The following PCDH9 variants were observed in gnomAD, a reference collection of about 807,000 sequenced individuals.
The protein encoded by PCDH9 is protocadherin-9.
Under a neutral mutation model 70.6 loss-of-function variants are expected in PCDH9, and 24 were observed. The ratio of observed to expected loss-of-function variants is 0.34; its 90% CI spans 0.25 to 0.48. PCDH9 has a LOEUF of 0.48. PCDH9 is among the 20% of genes least tolerant of loss of function. The pLI, the probability that PCDH9 is intolerant of heterozygous loss-of-function variation, is 0.99. For synonymous variants in PCDH9, 562 were observed against 558.5 expected (o/e 1.01, Z -0.09); for missense variants, 1,281 against 1,503.6 (o/e 0.85, Z 2.45).
rs191095235 is a variant in PCDH9 at position 66,384,576 on chromosome 13, A to G, written c.3341-79548T>C. On this transcript the variant is annotated intron_variant, in intron 4 of 4. Coordinates refer to ENST00000377865, the MANE Select transcript of PCDH9 (RefSeq NM_203487.3). ...ATCTATTTCTTAGGTAATTTCTAGT[A>G]TGTAATACAATACTGTAACTGTAGT... 5.9e-3 allele frequency among the ~76,000 whole-genome samples: 898 copies of G among 151,890 alleles called. 24 individuals carry two copies. The highest frequency in any genetic ancestry group is 0.04 in the Admixed American group (606 of 15,292).
chr13:66,402,085 TC>T (rs1157350598), intron 4 of PCDH9, among the ~76,000 whole-genome samples: 1 of 152,162 alleles, frequency 6.6e-6, no homozygotes, highest in African/African-American at 2.4e-5. Flanking sequence ...AATCTTTCTT[TC>T]TGCTTGAAAA....
At chr13:67,182,359 C>A (rs544608295) in intron 2 of PCDH9, among the ~76,000 whole-genome samples, 3 of 152,214 alleles carry the variant, frequency 2.0e-5, no homozygotes, top group Non-Finnish European at 4.4e-5. Flanking sequence ...CACACCCCAA[C>A]ATCTAATCTG....
intron 4 of PCDH9, among the ~76,000 whole-genome samples, chr13:66,493,810 G>C (rs181800297): frequency 2.3e-3 from 347 of 152,186 alleles, no homozygotes; most frequent in African/African-American, 8.0e-3. Flanking sequence ...TTTTCATAGA[G>C]TCACACTATG....
intron 2 of PCDH9, among the ~76,000 whole-genome samples, chr13:67,135,316 T>C (rs1184820031): frequency 1.3e-5 from 2 of 152,088 alleles, no homozygotes; most frequent in Non-Finnish European, 2.9e-5. Context: ...GGAGATGTCA[T>C]AGTCAGTTCA....
intron 4 of PCDH9, among the ~76,000 whole-genome samples, chr13:66,395,611 T>C (rs928297426): frequency 6.6e-6 from 1 of 151,308 alleles, no homozygotes; most frequent in South Asian, 2.1e-4. Context: ...AATAAATAAA[T>C]AAATAAATAA....
chr13:67,157,169 A>G (rs1214592164), intron 2 of PCDH9, among the ~76,000 whole-genome samples: 3 of 152,170 alleles, frequency 2.0e-5, no homozygotes, highest in Non-Finnish European at 2.9e-5. Context: ...ATGGATAAAC[A>G]CACTCCTTCC....
intron 2 of PCDH9, among the ~76,000 whole-genome samples, chr13:67,088,920 G>C: frequency 6.6e-6 from 1 of 152,046 alleles, no homozygotes; most frequent in Non-Finnish European, 1.5e-5. Flanking sequence ...TGAAAGAAGA[G>C]TAAGAGCAGT....
chr13:66,362,199 G>A (rs1406549546), intron 4 of PCDH9, among the ~76,000 whole-genome samples: 1 of 152,092 alleles, frequency 6.6e-6, no homozygotes, highest in Non-Finnish European at 1.5e-5. Flanking sequence ...TAGAGTACCT[G>A]TATGTTTTAA....
intron 4 of PCDH9, among the ~76,000 whole-genome samples, chr13:66,392,484 T>A (rs1319455349): frequency 6.6e-6 from 1 of 152,158 alleles, no homozygotes; most frequent in Non-Finnish European, 1.5e-5. Context: ...AATACTACCA[T>A]TCTCCCCAGA....
At chr13:66,826,916 T>A (rs9540927) in intron 3 of PCDH9, among the ~76,000 whole-genome samples, 27,899 of 152,114 alleles carry the variant, frequency 0.18, 2,806 homozygotes, top group South Asian at 0.26. Flanking sequence ...CTAAATTAAA[T>A]AATGACTCCT....
chr13:66,619,810 T>C (rs2077401182), intron 4 of PCDH9, among the ~76,000 whole-genome samples: 1 of 152,084 alleles, frequency 6.6e-6, no homozygotes. Flanking sequence ...CATTCTTAAT[T>C]TTTTGATCTT....
intron 4 of PCDH9, among the ~76,000 whole-genome samples, chr13:66,362,594 T>A (rs1034538763): frequency 6.6e-6 from 1 of 152,126 alleles, no homozygotes; most frequent in East Asian, 1.9e-4. Flanking sequence ...AAATGATTAC[T>A]CTCTGAGAAG....
intron 2 of PCDH9, among the ~76,000 whole-genome samples, chr13:66,987,829 G>C (rs994224003): frequency 6.6e-6 from 1 of 151,968 alleles, no homozygotes; most frequent in Non-Finnish European, 1.5e-5. Context: ...GATTCAGAAT[G>C]TTCTCCTTGA....
Position 66,903,539 on chromosome 13 carries a change from A to G in PCDH9, c.3103T>C (p.Phe1035Leu). 1 of 1,577,758 alleles carries G rather than the reference A, an allele frequency of 6.3e-7. No individual in the cohort carries two copies. The highest frequency in any genetic ancestry group is 1.4e-5 in the African/African-American group (1 of 74,032). The change falls in exon 3 of 5, where the codon TTC becomes CTC. Residue 1035 changes from phenylalanine to leucine, a missense_variant. Phe to Leu is a conservative substitution (Grantham distance 22). Transcript: ENST00000377865. Reference protein sequence around the residue: ...TPQKCPSSTGFHIQENEESHY... With the variant: ...TPQKCPSSTGLHIQENEESHY... ...CTTTCTTCATTCTCCTGAATGTGGA[A>G]ACCCGTGGAGCTGGGACATTTCTGA...
chr13:67,217,287 A>T lies in PCDH9; in HGVS notation c.3036+8118T>A, dbSNP rs2089630953. 2.0e-5 allele frequency: 3 copies of T among 150,536 alleles called. No homozygotes were observed. The South Asian group carries it at 6.2e-4, about 31-fold the overall frequency. 9.3% of individuals were successfully genotyped at this position (150,536 alleles called of 1,614,324 possible). A position where few individuals can be genotyped will look rare whatever the true frequency, so the allele number is the denominator to read the frequency against. ...GTTTAATGAGGAAAAAAAAAAACCT[A>T]ATTCACTGAATTGCAGTTGCTATTG... is the stretch of plus-strand genomic sequence containing the variant. On this transcript the variant is annotated intron_variant, in intron 2 of 4. Transcript: ENST00000377865.
chr13:67,214,972 A>ATATATATATATATT (rs1566500830), intron 2 of PCDH9: 9 of 124,376 alleles, frequency 7.2e-5, no homozygotes, highest in African/African-American at 2.0e-4. Flanking sequence ...ATATATATAT[A>ATATATATATATATT]TTCACTTAAT....
At chr13:66,549,931 T>A (rs1222171179) in intron 4 of PCDH9, among the ~76,000 whole-genome samples, 1 of 152,120 alleles carries the variant, frequency 6.6e-6, no homozygotes, top group African/African-American at 2.4e-5. Context: ...TAATACTATT[T>A]TTTTTCTTAA....
chr13:67,188,383 T>G (rs1410273970), intron 2 of PCDH9, among the ~76,000 whole-genome samples: 1 of 152,096 alleles, frequency 6.6e-6, no homozygotes, highest in African/African-American at 2.4e-5. Flanking sequence ...CAAAACATAT[T>G]TTGGTACTTT....
intron 4 of PCDH9, among the ~76,000 whole-genome samples, chr13:66,398,200 A>T (rs1360527552): frequency 1.3e-5 from 2 of 152,130 alleles, no homozygotes; most frequent in African/African-American, 2.4e-5. Context: ...TTGTAGCTTT[A>T]AGAAAGTATC....
Sources: allele counts gnomAD v4.1 joint callset (sites outside exome capture counted in the v4.1 genomes callset), GRCh38; gene constraint gnomAD v4.1.1; transcripts MANE v1.5; gene names NCBI Gene and HGNC (gene_info 2026-07-23, HGNC 2026-07-21).